The following DHX15 variants were observed in gnomAD, a reference collection of about 807,000 sequenced individuals.
DHX15 encodes DEAH-box helicase 15, also known as ATP-dependent RNA helicase DHX15.
In DHX15, 11 loss-of-function variants were observed where a neutral mutation model predicts 94.4. The observed-to-expected ratio is 0.12, with a 90% CI of 0.07 to 0.19. The LOEUF (loss-of-function observed/expected upper bound fraction) is 0.19. Ranked by LOEUF, DHX15 falls within the 10% of genes least tolerant of loss-of-function variation. DHX15 has a pLI of 1.00. For synonymous variants in DHX15, 338 were observed against 329.9 expected (o/e 1.02, Z -0.27); for missense variants, 304 against 988.5 (o/e 0.31, Z 9.29).
At position 24,576,441 on chromosome 4, in the gene DHX15, G is replaced by T. The variant is rs200761056; in HGVS notation, c.309C>A (p.Ala103=). ...GAAGTGACGTGTGACCTGCATGTCC[G>T]GCATGCGTTGAATGAGCAGAATGTG... ...HSTHSAHSTH[A]GHAGHTSLPQ... The change falls in exon 2 of 14, where the codon GCC becomes GCA. Residue 103 remains alanine (A), a synonymous_variant. Coordinates refer to ENST00000336812, the MANE Select transcript of DHX15 (RefSeq NM_001358.3). 9 of 1,614,050 alleles carry T rather than the reference G, an allele frequency of 5.6e-6. No individual in the cohort carries two copies. The African/African-American group carries it at 1.1e-4, about 19-fold the overall frequency.
intron 10 of DHX15, 63 bp downstream of exon 10, chr4:24,540,044 CA>C (rs1560762634): frequency 7.8e-7 from 1 of 1,275,292 alleles, no homozygotes; most frequent in Non-Finnish European, 1.0e-6. Context: ...AAAACAAAAA[CA>C]AAAGTGAAGT....
At chr4:24,542,050 CT>C in intron 7 of DHX15, 28 bp from the exon 8 acceptor site, 6 of 1,549,904 alleles carry the variant, frequency 3.9e-6, no homozygotes, top group Non-Finnish European at 5.3e-6. Flanking sequence ...ACACAAGAGT[CT>C]TTCTTCAGTC....
chr4:24,583,507 A>T (rs1277275009), intron 1 of DHX15, among the ~76,000 whole-genome samples: 1 of 151,640 alleles, frequency 6.6e-6, no homozygotes, highest in African/African-American at 2.4e-5. Context: ...ATCCCTCCCC[A>T]TGGGACGATG....
chr4:24,546,022 C>A (rs563717949), intron 6 of DHX15, among the ~76,000 whole-genome samples: 3 of 152,210 alleles, frequency 2.0e-5, no homozygotes, highest in East Asian at 1.9e-4. Flanking sequence ...CACTTCCCCC[C>A]ACTCCGCCCC....
chr4:24,556,428 T>C lies in DHX15; in HGVS notation c.702-18A>G, dbSNP rs199623163. On this transcript the variant is annotated intron_variant, in intron 3 of 13. Transcript: ENST00000336812. The stretch of plus-strand genomic sequence containing the variant: ...TCATATACCTATATTCCAAAGAACA[T>C]GTTGGTTAAAGGTTCCGTTAGGTCA... The C allele has an allele frequency of 2.6e-5, 42 of 1,589,790 alleles. No homozygotes were observed. The highest frequency in any genetic ancestry group is 1.7e-4 in the Middle Eastern group (1 of 5,964).
chr4:24,549,836 G>A (rs1419013809), intron 5 of DHX15, among the ~76,000 whole-genome samples: 1 of 152,026 alleles, frequency 6.6e-6, no homozygotes, highest in African/African-American at 2.4e-5. Flanking sequence ...GCTCACACCT[G>A]TAATCCCAGC....
At chr4:24,570,001 G>A (rs1722085673) in intron 3 of DHX15, among the ~76,000 whole-genome samples, 1 of 152,244 alleles carries the variant, frequency 6.6e-6, no homozygotes. Flanking sequence ...GAAGCAACCA[G>A]AGGGAAGACT....
intron 1 of DHX15, among the ~76,000 whole-genome samples, chr4:24,582,850 G>A (rs1722448813): frequency 6.6e-6 from 1 of 152,198 alleles, no homozygotes; most frequent in Non-Finnish European, 1.5e-5. Context: ...CGTAATGGTG[G>A]GGGAGGGTGA....
intron 12 of DHX15, among the ~76,000 whole-genome samples, chr4:24,531,857 TATA>T (rs1721091621): frequency 6.6e-6 from 1 of 152,218 alleles, no homozygotes; most frequent in Admixed American, 6.5e-5. Context: ...AAGCCTATTA[TATA>T]ATAAGATGCC....
At chr4:24,553,107 G>C (rs1308752444) in intron 5 of DHX15, among the ~76,000 whole-genome samples, 2 of 152,122 alleles carry the variant, frequency 1.3e-5, no homozygotes. Context: ...TGGATCACCT[G>C]AAGTTGGGAG....
chr4:24,538,443 T>C (rs2109394669), intron 10 of DHX15: 1 of 152,288 alleles, frequency 6.6e-6, no homozygotes, highest in South Asian at 2.1e-4. Context: ...AGCTGTGAAT[T>C]TTAATGTGAA....
At chr4:24,568,063 A>T (rs903201158) in intron 3 of DHX15, among the ~76,000 whole-genome samples, 16 of 152,224 alleles carry the variant, frequency 1.1e-4, no homozygotes, top group African/African-American at 3.6e-4. Context: ...AAACTATCTT[A>T]TAGACCCTTA....
At chr4:24,577,464 A>C (rs1403951692) in intron 1 of DHX15, among the ~76,000 whole-genome samples, 2 of 152,222 alleles carry the variant, frequency 1.3e-5, no homozygotes, top group Non-Finnish European at 2.9e-5. Flanking sequence ...ATTTTAACCT[A>C]AACAGCAACA....
In DHX15 at chr4:24,574,205, CA is replaced by C. The variant is rs61031930; in HGVS notation, c.507+2037del. Among the ~76,000 whole-genome samples, 636 of 68,836 alleles carry C rather than the reference CA, an allele frequency of 9.2e-3. 3 individuals are homozygous for C. The highest frequency in any genetic ancestry group is 0.023 in the Middle Eastern group (2 of 88). The allele number at this position is 68,836 out of a possible 152,430, so 45.2% of individuals were successfully genotyped here. On this transcript the variant is annotated intron_variant, in intron 2 of 13. Transcript: ENST00000336812. The stretch of plus-strand genomic sequence containing the variant: ...TGGGTGACAGAGCGAGACTTTGTCT[CA>C]AAAAAAAAAAAAAAAAAAAAAAGTT...
chr4:24,529,002 T>TA (rs1353401941), intron 13 of DHX15, among the ~76,000 whole-genome samples: 2 of 95,938 alleles, frequency 2.1e-5, no homozygotes, highest in East Asian at 5.3e-4. Flanking sequence ...CTCTAAAAAT[T>TA]AAAAAAATTA....
At chr4:24,543,425 C>T (rs1721358987) in intron 6 of DHX15, among the ~76,000 whole-genome samples, 1 of 151,980 alleles carries the variant, frequency 6.6e-6, no homozygotes, top group South Asian at 2.1e-4. Flanking sequence ...TGTTTTTGGG[C>T]AATATTTACA....
At chr4:24,550,673 A>G (rs576503600) in intron 5 of DHX15, among the ~76,000 whole-genome samples, 5 of 152,320 alleles carry the variant, frequency 3.3e-5, no homozygotes, top group South Asian at 4.1e-4. Flanking sequence ...ATCTCCTGTG[A>G]TAACAATGCC....
intron 3 of DHX15, among the ~76,000 whole-genome samples, chr4:24,568,654 C>T (rs185178101): frequency 1.3e-5 from 2 of 152,276 alleles, no homozygotes; most frequent in Admixed American, 1.3e-4. Flanking sequence ...TTTCTTGTAT[C>T]CCAATTTCCA....
At chr4:24,560,911 CA>C (rs1340690455) in intron 3 of DHX15, among the ~76,000 whole-genome samples, 19 of 151,938 alleles carry the variant, frequency 1.3e-4, no homozygotes, top group Non-Finnish European at 2.4e-4. Context: ...ACAAGATTGA[CA>C]AAGATAAAAA....
Sources: allele counts gnomAD v4.1 joint callset (sites outside exome capture counted in the v4.1 genomes callset), GRCh38; gene constraint gnomAD v4.1.1; transcripts MANE v1.5; gene names NCBI Gene and HGNC (gene_info 2026-07-23, HGNC 2026-07-21).